Variants in HCRTR2 observed in about 807,000 individuals in gnomAD.
The protein encoded by HCRTR2 is orexin receptor type 2.
Under a neutral mutation model 49.0 loss-of-function variants are expected in HCRTR2, and 22 were observed. That is an observed-to-expected ratio of 0.45 (90% CI 0.32 to 0.64). The LOEUF is 0.64. HCRTR2 is among the 30% of genes least tolerant of loss of function. The probability of loss-of-function intolerance (pLI) is 0.04; values close to 1 mark genes in which losing one functional copy is unlikely to be tolerated. For missense variants in HCRTR2, 491 were observed against 559.4 expected, an observed-to-expected ratio of 0.88 and a Z score of 1.23; for synonymous variants, 236 against 205.3, an observed-to-expected ratio of 1.15 and a Z score of -1.28.
intron 1 of HCRTR2, among the ~76,000 whole-genome samples, chr6:55,137,951 G>C (rs1764454632): frequency 6.6e-6 from 1 of 152,122 alleles, no homozygotes; most frequent in Non-Finnish European, 1.5e-5. Flanking sequence ...AGGAACTTTA[G>C]CCTTCAGTTT....
At chr6:55,263,358 C>A (rs1437652248) in intron 3 of HCRTR2, among the ~76,000 whole-genome samples, 1 of 151,982 alleles carries the variant, frequency 6.6e-6, no homozygotes, top group Non-Finnish European at 1.5e-5. Context: ...AAGTTTAGAA[C>A]AACCCAAATT....
At chr6:55,189,872 A>G (rs1198845428) in intron 1 of HCRTR2, among the ~76,000 whole-genome samples, 3 of 152,222 alleles carry the variant, frequency 2.0e-5, no homozygotes, top group Non-Finnish European at 4.4e-5. Flanking sequence ...AATATGTAAT[A>G]TATATCAACT....
At position 55,277,364 on chromosome 6, in the gene HCRTR2, T is replaced by C; in HGVS notation, c.763-16T>C. On this transcript the variant is annotated splice_polypyrimidine_tract_variant and intron_variant, in intron 4 of 6. Coordinates refer to ENST00000370862, the MANE Select transcript of HCRTR2 (RefSeq NM_001384272.1). Reference sequence around the variant, plus strand: ...TAAGTCAAATTGCAATAAGGGTCTGTCTCTTCTCCTTTCAGATCCCTGGAA... The same window carrying C: ...TAAGTCAAATTGCAATAAGGGTCTGCCTCTTCTCCTTTCAGATCCCTGGAA... 6.2e-7 allele frequency: 1 copy of C among 1,600,640 alleles called. No homozygotes were observed. The highest frequency in any genetic ancestry group is 8.6e-7 in the Non-Finnish European group (1 of 1,167,898).
chr6:55,143,442 T>C (rs1270746807), intron 1 of HCRTR2, among the ~76,000 whole-genome samples: 1 of 152,184 alleles, frequency 6.6e-6, no homozygotes, highest in Non-Finnish European at 1.5e-5. Context: ...CCCTGCAAGA[T>C]TAAAACAAAA....
rs114140494 is a variant in HCRTR2 at position 55,165,069 on chromosome 6, A to C, written c.-377-9142A>C. ...CTTACCAGCAGAATTGATCCTGCAG[A>C]AGAAAGAATTAGTAAATTTGAAAAC... On this transcript the variant is annotated intron_variant, in intron 1 of 7. Coordinates refer to the HCRTR2 transcript ENST00000615358. Among the ~76,000 whole-genome samples, 1,208 of 152,290 alleles carry C rather than the reference A, an allele frequency of 7.9e-3. 5 individuals carry two copies. The highest frequency in any genetic ancestry group is 0.051 in the Middle Eastern group (15 of 294).
intron 1 of HCRTR2, among the ~76,000 whole-genome samples, chr6:55,185,636 GA>G (rs1411130774): frequency 6.6e-6 from 1 of 151,988 alleles, no homozygotes; most frequent in Non-Finnish European, 1.5e-5. Flanking sequence ...TAAAAATGCT[GA>G]AAACTGGACA....
At chr6:55,169,225 G>A (rs775738708) in intron 1 of HCRTR2, among the ~76,000 whole-genome samples, 2 of 151,618 alleles carry the variant, frequency 1.3e-5, no homozygotes, top group African/African-American at 4.8e-5. Context: ...TGGAAGCTTC[G>A]TATATATTTG....
At chr6:55,122,468 T>A (rs1177883837) in intron 1 of HCRTR2, among the ~76,000 whole-genome samples, 7 of 152,176 alleles carry the variant, frequency 4.6e-5, no homozygotes, top group Admixed American at 3.9e-4. Context: ...TCTCCTTCAG[T>A]TCTGCTCTGA....
intron 1 of HCRTR2, among the ~76,000 whole-genome samples, chr6:55,197,582 C>T (rs1417946824): frequency 6.6e-6 from 1 of 152,102 alleles, no homozygotes; most frequent in Admixed American, 6.6e-5. Flanking sequence ...ATAACCCAAA[C>T]CCCAGGCTGC....
In HCRTR2 at chr6:55,221,745, A is replaced by G. The variant is rs552712182; in HGVS notation, c.224-26894A>G. Among the ~76,000 whole-genome samples, 27 of 151,944 alleles carry G rather than the reference A, an allele frequency of 1.8e-4. 1 individual carries two copies. In the South Asian group the frequency reaches 4.4e-3, roughly 25 times the overall value. On this transcript the variant is annotated intron_variant, in intron 1 of 6. Transcript: ENST00000370862. ...GGAGAATGGCGTGAACCTCAGAGGC[A>G]GAGCTTGCAGTGAGGTGAGATCACG...
At chr6:55,141,818 C>T (rs1319094658) in intron 1 of HCRTR2, among the ~76,000 whole-genome samples, 1 of 151,976 alleles carries the variant, frequency 6.6e-6, no homozygotes, top group Non-Finnish European at 1.5e-5. Context: ...TGTGCATGCA[C>T]ATTCAGAACA....
At chr6:55,269,839 C>T (rs1766938045) in intron 4 of HCRTR2, among the ~76,000 whole-genome samples, 1 of 152,082 alleles carries the variant, frequency 6.6e-6, no homozygotes, top group East Asian at 1.9e-4. Flanking sequence ...CAGTGCAAGA[C>T]TATAATCCCA....
At chr6:55,282,874 T>G (rs1767224659), downstream of HCRTR2, among the ~76,000 whole-genome samples, 1 of 152,120 alleles carries the variant, frequency 6.6e-6, no homozygotes, top group Non-Finnish European at 1.5e-5. Context: ...ACAATAGACA[T>G]GTTAGTTGAC....
At chr6:55,217,415 T>G (rs191624409) in intron 1 of HCRTR2, among the ~76,000 whole-genome samples, 9 of 152,278 alleles carry the variant, frequency 5.9e-5, no homozygotes, top group Non-Finnish European at 1.2e-4. Context: ...GCTCCTGAAT[T>G]GGCCAAAAGT....
chr6:55,107,309 C>T lies in HCRTR2; in HGVS notation c.-378+764C>T, dbSNP rs1014593605. 5.3e-5 allele frequency among the ~76,000 whole-genome samples: 8 copies of T among 152,202 alleles called. No individual in the cohort carries two copies. The East Asian group carries it at 1.4e-3, about 26-fold the overall frequency. On this transcript the variant is annotated intron_variant, in intron 1 of 7. Transcript: ENST00000615358. ...TGACTCAAAGTAAGTCTTCTTCCTA[C>T]TCTGACTTCTTGCCTCCCAGTTCTT...
Position 55,223,287 on chromosome 6 carries a change from GACA to G in HCRTR2, c.224-25347_224-25345del, listed in dbSNP as rs771398675. Among the ~76,000 whole-genome samples, 15 of 152,174 alleles carry G rather than the reference GACA, an allele frequency of 9.9e-5. No homozygotes were observed. In the South Asian group the frequency reaches 3.1e-3, roughly 32 times the overall value. ...AAACAATTAGGTTGATCAATTCTGT[GACA>G]ACAAGCCATCTGGTTACTTTAGTGA... On this transcript the variant is annotated intron_variant, in intron 1 of 6. Coordinates refer to ENST00000370862, the MANE Select transcript of HCRTR2 (RefSeq NM_001384272.1).
intron 1 of HCRTR2, among the ~76,000 whole-genome samples, chr6:55,137,070 G>C (rs1160298614): frequency 6.6e-6 from 1 of 152,160 alleles, no homozygotes; most frequent in East Asian, 1.9e-4. Flanking sequence ...AATTGGATGT[G>C]GGTAAGCATT....
chr6:55,249,084 T>C (rs931427999), intron 2 of HCRTR2, among the ~76,000 whole-genome samples: 13 of 152,140 alleles, frequency 8.5e-5, no homozygotes, highest in African/African-American at 2.9e-4. Flanking sequence ...AAAGTTTGAT[T>C]TTGCACAAAC....
chr6:55,145,477 C>A (rs1388003119), intron 1 of HCRTR2, among the ~76,000 whole-genome samples: 1 of 148,934 alleles, frequency 6.7e-6, no homozygotes, highest in Non-Finnish European at 1.5e-5. Context: ...GTGGCGCGAT[C>A]TCGGCTCACT....
Sources: allele counts gnomAD v4.1 joint callset (sites outside exome capture counted in the v4.1 genomes callset), GRCh38; gene constraint gnomAD v4.1.1; transcripts MANE v1.5; gene names NCBI Gene and HGNC (gene_info 2026-07-23, HGNC 2026-07-21).